The following LHFPL6 variants were observed in gnomAD, a reference collection of about 807,000 sequenced individuals.
LHFPL6 encodes the protein LHFPL tetraspan subfamily member 6 protein.
LHFPL6 carries 9 observed loss-of-function variants against 20.6 expected under a neutral mutation model. The observed-to-expected ratio is 0.44, with a 90% CI of 0.26 to 0.76. LHFPL6 has a LOEUF of 0.76. Among genes scored for constraint, LHFPL6 ranks in the 30% least tolerant of loss-of-function variants. LHFPL6 has a pLI of 0.20. For synonymous variants in LHFPL6, 105 were observed against 98.7 expected (o/e 1.06, Z -0.38); for missense variants, 218 against 253.5 (o/e 0.86, Z 0.95).
At chr13:39,413,543 T>C (rs988806799) in intron 2 of LHFPL6, among the ~76,000 whole-genome samples, 2 of 150,672 alleles carry the variant, frequency 1.3e-5, no homozygotes, top group East Asian at 3.9e-4. Context: ...CTCAACCTCC[T>C]GTGTATCTGG....
At chr13:39,507,884 C>CCCCT (rs1157063345) in intron 2 of LHFPL6, among the ~76,000 whole-genome samples, 2 of 19,192 alleles carry the variant, frequency 1.0e-4, no homozygotes, top group African/African-American at 3.6e-4. Context: ...TATCTTGCCT[C>CCCCT]CCCTCCCTTC....
chr13:39,593,486 C>T (rs1250218797), intron 2 of LHFPL6, among the ~76,000 whole-genome samples: 1 of 151,930 alleles, frequency 6.6e-6, no homozygotes, highest in Non-Finnish European at 1.5e-5. Context: ...AATGGAAGAA[C>T]ATTCCATGCT....
chr13:39,472,900 C>T (rs1489028489), intron 2 of LHFPL6, among the ~76,000 whole-genome samples: 8 of 152,164 alleles, frequency 5.3e-5, no homozygotes, highest in Non-Finnish European at 1.0e-4. Flanking sequence ...CGTGAGCCAC[C>T]GTGCCCGGCC....
At chr13:39,491,245 G>A (rs1456505644) in intron 2 of LHFPL6, among the ~76,000 whole-genome samples, 1 of 152,218 alleles carries the variant, frequency 6.6e-6, no homozygotes, top group East Asian at 1.9e-4. Flanking sequence ...ATCAAAGAAG[G>A]ACTCATGGCA....
At chr13:39,583,749 A>T (rs1039857495) in intron 2 of LHFPL6, among the ~76,000 whole-genome samples, 4 of 152,294 alleles carry the variant, frequency 2.6e-5, no homozygotes, top group Admixed American at 1.3e-4. Flanking sequence ...CTCCTGGTTC[A>T]TACCTCTTCA....
At chr13:39,478,070 C>T (rs968281978) in intron 2 of LHFPL6, among the ~76,000 whole-genome samples, 1 of 152,148 alleles carries the variant, frequency 6.6e-6, no homozygotes, top group South Asian at 2.1e-4. Context: ...TCAAGACAGT[C>T]CTCTCATTTA....
intron 2 of LHFPL6, among the ~76,000 whole-genome samples, chr13:39,468,864 T>C (rs551042639): frequency 5.5e-5 from 7 of 126,162 alleles, no homozygotes; most frequent in Admixed American, 2.6e-4. Context: ...CTTATACAGC[T>C]GGAAGATGCC....
intron 2 of LHFPL6, among the ~76,000 whole-genome samples, chr13:39,424,088 C>A (rs1442294827): frequency 1.3e-5 from 2 of 152,154 alleles, no homozygotes; most frequent in Admixed American, 6.5e-5. Context: ...TGATACACAA[C>A]ACATATTATA....
At chr13:39,380,148 G>C (rs1870400310) in intron 2 of LHFPL6, among the ~76,000 whole-genome samples, 1 of 152,150 alleles carries the variant, frequency 6.6e-6, no homozygotes, top group Non-Finnish European at 1.5e-5. Context: ...TGTGCAAAAT[G>C]AATTCCATGA....
intron 2 of LHFPL6, among the ~76,000 whole-genome samples, chr13:39,481,221 G>A (rs932914851): frequency 2.0e-5 from 3 of 152,142 alleles, no homozygotes; most frequent in African/African-American, 7.2e-5. Flanking sequence ...TACTATATAT[G>A]ACTGAAATAC....
intron 2 of LHFPL6, among the ~76,000 whole-genome samples, chr13:39,382,033 T>C (rs1870451092): frequency 6.6e-6 from 1 of 152,180 alleles, no homozygotes; most frequent in Admixed American, 6.5e-5. Context: ...GGTTTTCTAC[T>C]AAGTCTACTT....
At chr13:39,351,619 G>A (rs1869569954) in intron 3 of LHFPL6, among the ~76,000 whole-genome samples, 1 of 152,090 alleles carries the variant, frequency 6.6e-6, no homozygotes, top group African/African-American at 2.4e-5. Flanking sequence ...AATATGTCCT[G>A]GGAATAACTC....
intron 2 of LHFPL6, among the ~76,000 whole-genome samples, chr13:39,400,578 T>G (rs1870960037): frequency 6.6e-6 from 1 of 151,252 alleles, no homozygotes; most frequent in Non-Finnish European, 1.5e-5. Context: ...GGTCAGGAGA[T>G]CGAGACCATC....
intron 2 of LHFPL6, among the ~76,000 whole-genome samples, chr13:39,428,724 C>A (rs944539088): frequency 6.6e-6 from 1 of 151,884 alleles, no homozygotes; most frequent in African/African-American, 2.4e-5. Flanking sequence ...ACATTTATTT[C>A]CTTTACTTTG....
chr13:39,536,709 C>T (rs1399245059), intron 2 of LHFPL6, among the ~76,000 whole-genome samples: 3 of 152,216 alleles, frequency 2.0e-5, no homozygotes, highest in Admixed American at 6.5e-5. Flanking sequence ...TCCCTCTCCT[C>T]ACCCAAATGT....
chr13:39,385,529 C>T (rs1406002107), intron 2 of LHFPL6, among the ~76,000 whole-genome samples: 1 of 152,252 alleles, frequency 6.6e-6, no homozygotes, highest in Non-Finnish European at 1.5e-5. Context: ...GGCCGTAAAC[C>T]ACCTACAGGA....
intron 2 of LHFPL6, among the ~76,000 whole-genome samples, chr13:39,562,637 TAC>T (rs1332104106): frequency 1.5e-5 from 2 of 132,992 alleles, no homozygotes; most frequent in East Asian, 4.3e-4. Context: ...CACATATATA[TAC>T]ACATATATAC....
intron 2 of LHFPL6, among the ~76,000 whole-genome samples, chr13:39,532,926 A>G (rs1354971550): frequency 6.6e-6 from 1 of 152,166 alleles, no homozygotes; most frequent in Non-Finnish European, 1.5e-5. Context: ...TTTCAAACAT[A>G]CTGTCTTCAA....
intron 2 of LHFPL6, among the ~76,000 whole-genome samples, chr13:39,583,152 G>A (rs1872340194): frequency 6.9e-6 from 1 of 144,734 alleles, no homozygotes; most frequent in African/African-American, 2.5e-5. Flanking sequence ...TGAAGAAAAT[G>A]TACAGGATGC....
Sources: gnomAD v4.1 joint callset for allele counts (sites outside exome capture counted in the v4.1 genomes callset) on GRCh38, gnomAD v4.1.1 for gene constraint, MANE v1.5 for transcripts, NCBI Gene and HGNC (gene_info 2026-07-23, HGNC 2026-07-21) for gene names.